The following BEND6 variants were observed in gnomAD, a reference collection of about 807,000 sequenced individuals.
BEND6 encodes the protein BEN domain containing 6.
Under a neutral mutation model 31.8 loss-of-function variants are expected in BEND6, and 24 were observed. That is an observed-to-expected ratio of 0.75 (90% CI 0.55 to 1.06). BEND6 has a LOEUF of 1.06. BEND6 is among the 50% of genes least tolerant of loss of function. BEND6 has a pLI of 0.00. For missense variants in BEND6, 294 were observed against 327.4 expected, an observed-to-expected ratio of 0.90 and a Z score of 0.79; for synonymous variants, 109 against 114.6, an observed-to-expected ratio of 0.95 and a Z score of 0.31.
At chr6:56,965,205 T>C (rs1384666688) in intron 1 of BEND6, among the ~76,000 whole-genome samples, 1 of 152,184 alleles carries the variant, frequency 6.6e-6, no homozygotes, top group Non-Finnish European at 1.5e-5. Context: ...TAAATTTTAA[T>C]GTTGCTTCAA....
intron 6 of BEND6, among the ~76,000 whole-genome samples, chr6:57,022,477 C>A (rs1827782269): frequency 6.6e-6 from 1 of 150,632 alleles, no homozygotes; most frequent in Non-Finnish European, 1.5e-5. Context: ...ATTATGTATC[C>A]TTTTCCATGT....
At chr6:57,018,762 A>G (rs989539267) in intron 6 of BEND6, among the ~76,000 whole-genome samples, 6 of 152,210 alleles carry the variant, frequency 3.9e-5, no homozygotes, top group African/African-American at 1.4e-4. Flanking sequence ...TCTTCCTCAG[A>G]ACCTCTCAGA....
chr6:56,988,781 C>T (rs1319474809), intron 2 of BEND6, among the ~76,000 whole-genome samples: 4 of 152,276 alleles, frequency 2.6e-5, no homozygotes, highest in Admixed American at 2.6e-4. Context: ...GTAATCCCAG[C>T]ACTTTGGGAG....
chr6:56,964,315 T>A (rs1018873364), intron 1 of BEND6, among the ~76,000 whole-genome samples: 1 of 152,184 alleles, frequency 6.6e-6, no homozygotes, highest in African/African-American at 2.4e-5. Flanking sequence ...AAAGAGTATC[T>A]CACTAAGCTT....
chr6:56,957,823 T>C (rs183382262), intron 1 of BEND6, among the ~76,000 whole-genome samples: 1 of 152,336 alleles, frequency 6.6e-6, no homozygotes, highest in Admixed American at 6.5e-5. Context: ...ATACCACGTA[T>C]GTAGAAGATG....
chr6:56,956,027 A>G (rs578045198), intron 1 of BEND6, among the ~76,000 whole-genome samples: 1 of 152,358 alleles, frequency 6.6e-6, no homozygotes, highest in African/African-American at 2.4e-5. Flanking sequence ...CTGGCCAGGA[A>G]GCGGCTGCTG....
At chr6:57,022,918 G>C (rs1827794689) in intron 6 of BEND6, among the ~76,000 whole-genome samples, 1 of 151,988 alleles carries the variant, frequency 6.6e-6, no homozygotes, top group Non-Finnish European at 1.5e-5. Context: ...TAATTTCCAT[G>C]TGTTTGTGCA....
chr6:57,010,705 G>T, intron 3 of BEND6: 1 of 904,248 alleles, frequency 1.1e-6, no homozygotes, highest in South Asian at 5.1e-5. Flanking sequence ...AATATATCCA[G>T]GAAAACAGCC....
rs1827912153 is a variant in BEND6, at chr6:57,026,660, T to C, written c.*588T>C. On this transcript the variant is annotated 3_prime_UTR_variant, in exon 7 of 7. Coordinates refer to ENST00000370746, the MANE Select transcript of BEND6 (RefSeq NM_152731.3). Reference sequence around the variant, plus strand: ...ATAAAATTACAGGATTATTCTGTTATCTAAAAATGTATAAAATGGGAATAT... The same window carrying C: ...ATAAAATTACAGGATTATTCTGTTACCTAAAAATGTATAAAATGGGAATAT... The C allele has an allele frequency of 6.6e-6, 1 of 152,232 alleles. No homozygotes were observed. The highest frequency in any genetic ancestry group is 2.1e-4 in the South Asian group (1 of 4,832). 9.4% of individuals were successfully genotyped at this position (152,232 alleles called of 1,614,324 possible).
At chr6:57,003,316 AACAC>A (rs1354883303) in intron 3 of BEND6, among the ~76,000 whole-genome samples, 3 of 152,160 alleles carry the variant, frequency 2.0e-5, no homozygotes, top group African/African-American at 7.2e-5. Context: ...CTGGGGCAAC[AACAC>A]AAGACCTTAT....
chr6:57,009,083 A>G (rs1277765952), intron 3 of BEND6: 2 of 152,184 alleles, frequency 1.3e-5, no homozygotes, highest in Admixed American at 6.5e-5. Context: ...GAAAAAGGTT[A>G]ATCTCATAGA....
At chr6:56,972,252 G>T (rs1301624965) in intron 1 of BEND6, among the ~76,000 whole-genome samples, 1 of 151,624 alleles carries the variant, frequency 6.6e-6, no homozygotes, top group African/African-American at 2.4e-5. Flanking sequence ...GCGCCACCAG[G>T]CCTGACTAAT....
At chr6:56,961,804 G>T (rs1825295764) in intron 1 of BEND6, among the ~76,000 whole-genome samples, 1 of 152,152 alleles carries the variant, frequency 6.6e-6, no homozygotes, top group African/African-American at 2.4e-5. Flanking sequence ...GTCTACTGTG[G>T]AGTCTGCAGA....
intron 3 of BEND6, among the ~76,000 whole-genome samples, chr6:56,993,365 G>C (rs1324524815): frequency 6.6e-6 from 1 of 152,194 alleles, no homozygotes; most frequent in African/African-American, 2.4e-5. Flanking sequence ...CCTTCCAGTT[G>C]CTGTGTACAG....
intron 2 of BEND6, among the ~76,000 whole-genome samples, chr6:56,984,655 C>G (rs967907401): frequency 6.6e-6 from 1 of 152,162 alleles, no homozygotes; most frequent in African/African-American, 2.4e-5. Flanking sequence ...TTGAAATTCA[C>G]TATAGCCAGA....
At chr6:56,997,883 C>T (rs1212769238) in intron 3 of BEND6, among the ~76,000 whole-genome samples, 1 of 151,988 alleles carries the variant, frequency 6.6e-6, no homozygotes, top group Admixed American at 6.6e-5. Context: ...TTTATAAAGT[C>T]CCTACTATGT....
In BEND6 at chr6:56,966,666, T is replaced by C. The variant is rs57194801; in HGVS notation, c.-101+11206T>C. Among the ~76,000 whole-genome samples the C allele has an allele frequency of 2.4e-3, 370 of 152,330 alleles. 2 individuals carry two copies. The highest frequency in any genetic ancestry group is 0.016 in the Admixed American group (249 of 15,298). Reference sequence around the variant, plus strand: ...CACTTTTCCCAGCCTCTTATTTCTGTGCTATTACCTCTGTGCTATAGTCTT... The same window carrying C: ...CACTTTTCCCAGCCTCTTATTTCTGCGCTATTACCTCTGTGCTATAGTCTT... On this transcript the variant is annotated intron_variant, in intron 1 of 6. Transcript: ENST00000370746.
chr6:56,958,730 A>G (rs1323919134), intron 1 of BEND6, among the ~76,000 whole-genome samples: 1 of 152,198 alleles, frequency 6.6e-6, no homozygotes, highest in Non-Finnish European at 1.5e-5. Context: ...GGAGGATAGC[A>G]AAGTGGTCGA....
chr6:57,000,980 G>GA (rs1826917472), intron 3 of BEND6, among the ~76,000 whole-genome samples: 1 of 144,956 alleles, frequency 6.9e-6, no homozygotes. Context: ...TAGGGAGGGA[G>GA]AAAAAGGAAA....
Sources: allele counts gnomAD v4.1 joint callset (sites outside exome capture counted in the v4.1 genomes callset), GRCh38; gene constraint gnomAD v4.1.1; transcripts MANE v1.5; gene names NCBI Gene and HGNC (gene_info 2026-07-23, HGNC 2026-07-21).